FLVCR1: variants seen among roughly 807,000 people sequenced by gnomAD.
FLVCR1 encodes the protein choline/ethanolamine transporter FLVCR1.
A neutral mutation model predicts 53.6 loss-of-function variants in FLVCR1; 34 were observed. The observed-to-expected ratio is 0.63, with a 90% CI of 0.48 to 0.84. The LOEUF is 0.84. FLVCR1 is among the 40% of genes least tolerant of loss of function. The pLI, the probability that FLVCR1 is intolerant of heterozygous loss-of-function variation, is 0.00. For synonymous variants in FLVCR1, 300 were observed against 286.3 expected (o/e 1.05, Z -0.48); for missense variants, 677 against 696.7 (o/e 0.97, Z 0.32).
intron 5 of FLVCR1, 163 bp downstream of exon 5, chr1:212,885,559 TTTTTTTTTTG>T: frequency 6.4e-6 from 3 of 470,760 alleles, no homozygotes; most frequent in Non-Finnish European, 1.1e-5. Context: ...TCTTTTTTTT[TTTTTTTTTTG>T]AGACGGAGTC....
chr1:212,874,667 T>G (rs1664705687), intron 3 of FLVCR1, among the ~76,000 whole-genome samples: 1 of 151,794 alleles, frequency 6.6e-6, no homozygotes, highest in Non-Finnish European at 1.5e-5. Context: ...TAGCTGAGAT[T>G]ACAGGCACAT....
At position 212,897,380 on chromosome 1, in the gene FLVCR1, G is replaced by A. The variant is rs1665371358; in HGVS notation, c.*2090G>A. ...CACACACACACACACAAATTAGCCG[G>A]GCATGGTGGCACACGCCTGTAGTCC... is the stretch of plus-strand genomic sequence containing the variant. On this transcript the variant is annotated 3_prime_UTR_variant, in exon 10 of 10. Transcript: ENST00000366971. The A allele has an allele frequency of 8.9e-6, 1 of 112,872 alleles. No individual in the cohort carries two copies. The highest frequency in any genetic ancestry group is 4.7e-5 in the African/African-American group (1 of 21,358). 7.0% of individuals were successfully genotyped at this position (112,872 alleles called of 1,614,324 possible). A position where few individuals can be genotyped will look rare whatever the true frequency, so the allele number is the denominator to read the frequency against.
Position 212,896,914 on chromosome 1 carries a change from G to T in FLVCR1, c.*1624G>T, listed in dbSNP as rs1032281592. On this transcript the variant is annotated 3_prime_UTR_variant, in exon 10 of 10. Coordinates refer to ENST00000366971, the MANE Select transcript of FLVCR1 (RefSeq NM_014053.4). ...GGCCAGGCGCAGTGCTGTGGCTCAT[G>T]CCTGTAATCTCAGCACTTTGGGAGG... 3 of 136,504 alleles carry T rather than the reference G, an allele frequency of 2.2e-5. No individual in the cohort carries two copies. The highest frequency in any genetic ancestry group is 4.6e-5 in the Non-Finnish European group (3 of 65,620). 8.5% of individuals were successfully genotyped at this position (136,504 alleles called of 1,614,324 possible). A position where few individuals can be genotyped will look rare whatever the true frequency, so the allele number is the denominator to read the frequency against.
intron 1 of FLVCR1, 146 bp downstream of exon 1, chr1:212,859,336 G>A: frequency 8.1e-7 from 1 of 1,237,940 alleles, no homozygotes; most frequent in Non-Finnish European, 1.1e-6. Context: ...ATAGGAGGCC[G>A]TCTTGGATTG....
intron 3 of FLVCR1, among the ~76,000 whole-genome samples, chr1:212,873,322 A>C (rs891001364): frequency 6.6e-6 from 1 of 150,552 alleles, no homozygotes; most frequent in Non-Finnish European, 1.5e-5. Flanking sequence ...AAAAAAAAAT[A>C]AAAGAAAGAA....
Position 212,859,157 on chromosome 1 carries a change from C to T in FLVCR1, c.705C>T (p.Ser235=). 1 of 1,613,946 alleles carries T rather than the reference C, an allele frequency of 6.2e-7. No homozygotes were observed. Among genetic ancestry groups the T allele is most frequent in the Non-Finnish European group, 8.5e-7 (1 of 1,180,032 alleles). ...ASVWFGPKEV[S]TACATAVLGN... ...TGTGGTTTGGGCCCAAAGAGGTGTC[C>T]ACAGCTTGTGCCACCGCCGTGCTGG... The change falls in exon 1 of 10, where the codon TCC becomes TCT. Residue 235 remains serine (S), a synonymous_variant. Transcript: ENST00000366971.
intron 8 of FLVCR1, among the ~76,000 whole-genome samples, chr1:212,893,064 T>TG (rs1558122629): frequency 1.4e-3 from 169 of 123,422 alleles, no homozygotes; most frequent in African/African-American, 3.5e-3. Flanking sequence ...TTCTTTTTTT[T>TG]TGGGGGGGGG....
intron 1 of FLVCR1, among the ~76,000 whole-genome samples, chr1:212,859,457 C>T (rs1409580179): frequency 6.6e-6 from 1 of 152,168 alleles, no homozygotes; most frequent in Non-Finnish European, 1.5e-5. Context: ...GTGGCACACA[C>T]CTGTAATCCC....
At chr1:212,893,325 G>C (rs1377383972) in intron 8 of FLVCR1, among the ~76,000 whole-genome samples, 2 of 152,186 alleles carry the variant, frequency 1.3e-5, no homozygotes, top group African/African-American at 4.8e-5. Context: ...AAAGTGCTGG[G>C]ATTACAGGTG....
At chr1:212,895,095 T>C in intron 9 of FLVCR1, 42 bp downstream of exon 9, 1 of 1,379,254 alleles carries the variant, frequency 7.3e-7, no homozygotes, top group East Asian at 2.3e-5. Flanking sequence ...GAAGTATGTA[T>C]AGAATAAATG....
intron 8 of FLVCR1, among the ~76,000 whole-genome samples, chr1:212,894,725 G>C (rs754252329): frequency 7.6e-4 from 116 of 152,088 alleles, no homozygotes; most frequent in Admixed American, 2.6e-4. Flanking sequence ...CTAGATTGGA[G>C]AGTCCTTTAA....
chr1:212,889,935 T>A (rs1665149407), intron 8 of FLVCR1, among the ~76,000 whole-genome samples: 1 of 152,146 alleles, frequency 6.6e-6, no homozygotes, highest in Non-Finnish European at 1.5e-5. Context: ...CTGTGAGGAT[T>A]AATTGAAATG....
At chr1:212,864,013 A>G in intron 2 of FLVCR1, 144 bp downstream of exon 2, 1 of 724,212 alleles carries the variant, frequency 1.4e-6, no homozygotes, top group Non-Finnish European at 2.4e-6. Context: ...TCAGGTAATG[A>G]ATGCTACAAC....
rs1404022515 is a variant in FLVCR1 at position 212,896,003 on chromosome 1, G to A, written c.*713G>A. ...TTCTAATTAAGGAGCCTGGTTACAG[G>A]TTCATTCTGTCTTGAGTTCTTTTCT... On this transcript the variant is annotated 3_prime_UTR_variant, in exon 10 of 10. Coordinates refer to ENST00000366971, the MANE Select transcript of FLVCR1 (RefSeq NM_014053.4). 6.6e-6 allele frequency: 1 copy of A among 152,316 alleles called. No homozygotes were observed. Among genetic ancestry groups the A allele is most frequent in the South Asian group, 2.1e-4 (1 of 4,842 alleles). The allele number at this position is 152,316 out of a possible 1,614,324, so 9.4% of individuals were successfully genotyped here.
intron 1 of FLVCR1, among the ~76,000 whole-genome samples, chr1:212,861,473 C>T (rs1664238366): frequency 6.6e-6 from 1 of 152,088 alleles, no homozygotes; most frequent in Non-Finnish European, 1.5e-5. Context: ...TGGGATAGTC[C>T]AGGTGGTACA....
At chr1:212,863,698 C>CTA in intron 1 of FLVCR1, 27 bp from the exon 2 acceptor site, 1 of 1,611,280 alleles carries the variant, frequency 6.2e-7, no homozygotes, top group Admixed American at 1.7e-5. Flanking sequence ...ATGATAATAG[C>CTA]TGTTAACAGG....
chr1:212,888,127 C>T lies in FLVCR1; in HGVS notation c.1307+126C>T, dbSNP rs147949830. The T allele has an allele frequency of 3.9e-4, 254 of 657,006 alleles. No homozygotes were observed. In the East Asian group the frequency reaches 6.3e-3, roughly 16 times the overall value. 40.7% of individuals were successfully genotyped at this position (657,006 alleles called of 1,614,324 possible). A position where few individuals can be genotyped will look rare whatever the true frequency, so the allele number is the denominator to read the frequency against. On this transcript the variant is annotated intron_variant, in intron 6 of 9. Coordinates refer to ENST00000366971, the MANE Select transcript of FLVCR1 (RefSeq NM_014053.4). ...TCAATATTTTAAACTTTAAAGGATT[C>T]ATTCTATGCATATAAACATGTAATT...
chr1:212,860,264 T>C lies in FLVCR1; in HGVS notation c.738+1074T>C, dbSNP rs138808253. ...TGGAGTAGGTTGAACTATAGTTGTT[T>C]GTCCAAAATAATTTATGACTGATAC... is the stretch of plus-strand genomic sequence containing the variant. On this transcript the variant is annotated intron_variant, in intron 1 of 9. Transcript: ENST00000366971. Among the ~76,000 whole-genome samples, 256 of 152,182 alleles carry C rather than the reference T, an allele frequency of 1.7e-3. 1 individual carries two copies. The highest frequency in any genetic ancestry group is 6.0e-3 in the African/African-American group (248 of 41,538).
In FLVCR1 at chr1:212,858,572, CG is replaced by C; in HGVS notation, c.123del (p.Ala44ArgfsTer6). ...GGAAGGAGAGCGTGGAGCTGCAGAA[CG>C]GGCCCAAAGCGGGCACCTTCCCGGT... is the stretch of plus-strand genomic sequence containing the variant. ...VGKESVELQN[G>X]PKAGTFPVNG... On this transcript the variant is annotated frameshift_variant, in exon 1 of 10. Transcript: ENST00000366971. LOFTEE classifies it high-confidence loss of function. 1 of 1,488,518 alleles carries C rather than the reference CG, an allele frequency of 6.7e-7. No homozygotes were observed. The highest frequency in any genetic ancestry group is 8.9e-7 in the Non-Finnish European group (1 of 1,119,418). 92.2% of individuals were successfully genotyped at this position (1,488,518 alleles called of 1,614,324 possible).
Sources: gnomAD v4.1 joint callset for allele counts (sites outside exome capture counted in the v4.1 genomes callset) on GRCh38, gnomAD v4.1.1 for gene constraint, MANE v1.5 for transcripts, NCBI Gene and HGNC (gene_info 2026-07-23, HGNC 2026-07-21) for gene names.